RAB27A: variants seen among roughly 807,000 people sequenced by gnomAD.
The protein encoded by RAB27A is ras-related protein Rab-27A.
Under a neutral mutation model 20.8 loss-of-function variants are expected in RAB27A, and 17 were observed. The ratio of observed to expected loss-of-function variants is 0.82; its 90% confidence interval spans 0.56 to 1.23. RAB27A has a LOEUF of 1.23. Ranked by LOEUF, RAB27A falls within the 50% of genes most tolerant of loss-of-function variation. RAB27A has a pLI of 0.00. For synonymous variants in RAB27A, 85 were observed against 92.8 expected, an observed-to-expected ratio of 0.92 and a Z score of 0.48; for missense variants, 277 against 266.7, an observed-to-expected ratio of 1.04 and a Z score of -0.27.
intron 1 of RAB27A, among the ~76,000 whole-genome samples, chr15:55,271,803 G>T (rs1248546071): frequency 6.6e-6 from 1 of 152,128 alleles, no homozygotes; most frequent in Non-Finnish European, 1.5e-5. Flanking sequence ...CATTATGGCA[G>T]CTCAACGTGT....
chr15:55,234,704 T>A (rs1186694170), intron 3 of RAB27A, 78 bp downstream of exon 3: 1 of 1,459,798 alleles, frequency 6.9e-7, no homozygotes, highest in Non-Finnish European at 9.6e-7. Context: ...TCCTCCTAAT[T>A]CCTACAAAGT....
intron 1 of RAB27A, among the ~76,000 whole-genome samples, chr15:55,274,715 T>A (rs1356093906): frequency 6.8e-6 from 1 of 147,656 alleles, no homozygotes; most frequent in African/African-American, 2.5e-5. Flanking sequence ...GAAGCAGAAG[T>A]TGCAGTGAGC....
At chr15:55,285,610 G>A (rs1358173492) in intron 1 of RAB27A, among the ~76,000 whole-genome samples, 11 of 152,164 alleles carry the variant, frequency 7.2e-5, no homozygotes. Flanking sequence ...AGAGGCAGAA[G>A]AACAAATACA....
intron 1 of RAB27A, among the ~76,000 whole-genome samples, chr15:55,284,085 G>GA (rs1278624273): frequency 6.6e-6 from 1 of 152,148 alleles, no homozygotes; most frequent in Admixed American, 6.5e-5. Flanking sequence ...ATGAAACTAT[G>GA]AAAAAACAAG....
At chr15:55,255,675 G>C (rs1897052125) in intron 2 of RAB27A, among the ~76,000 whole-genome samples, 2 of 152,090 alleles carry the variant, frequency 1.3e-5, no homozygotes, top group Admixed American at 6.6e-5. Context: ...ACAGTATTTG[G>C]TAAGCAATTA....
rs182348034 is a variant in RAB27A at position 55,271,112 on chromosome 15, A to G, written c.-142-828T>C. On this transcript the variant is annotated intron_variant, in intron 1 of 6. Transcript: ENST00000336787. ...TGGTCCCCACGTATTCTTGACTCTG[A>G]TCCATCCTCCACACCACACCCAAAG... Among the ~76,000 whole-genome samples the G allele has an allele frequency of 1.1e-3, 171 of 152,246 alleles. 1 individual carries two copies. Among genetic ancestry groups the G allele is most frequent in the Non-Finnish European group, 2.1e-3 (142 of 68,018 alleles).
chr15:55,234,511 G>A (rs1358318131), intron 3 of RAB27A, among the ~76,000 whole-genome samples: 2 of 152,156 alleles, frequency 1.3e-5, no homozygotes, highest in East Asian at 1.9e-4. Flanking sequence ...AATAACTTTC[G>A]GAGTTCAGAG....
intron 6 of RAB27A, among the ~76,000 whole-genome samples, chr15:55,215,910 C>A (rs1166702840): frequency 2.9e-5 from 4 of 136,664 alleles, no homozygotes; most frequent in Non-Finnish European, 6.0e-5. Context: ...CGTGCTACGG[C>A]ACTCAAGGCT....
intron 2 of RAB27A, among the ~76,000 whole-genome samples, chr15:55,297,006 A>G (rs2054952172): frequency 6.6e-6 from 1 of 152,220 alleles, no homozygotes; most frequent in African/African-American, 2.4e-5. Flanking sequence ...GGGAGTAAGC[A>G]AAAAGGATTA....
intron 2 of RAB27A, among the ~76,000 whole-genome samples, chr15:55,311,680 C>A (rs552908505): frequency 6.6e-6 from 1 of 152,184 alleles, no homozygotes; most frequent in Non-Finnish European, 1.5e-5. Context: ...ATAATTTATA[C>A]TTCCCTCAGG....
At chr15:55,248,773 T>C (rs1896782041) in intron 2 of RAB27A, among the ~76,000 whole-genome samples, 1 of 152,200 alleles carries the variant, frequency 6.6e-6, no homozygotes, top group Non-Finnish European at 1.5e-5. Flanking sequence ...AAATCAATGA[T>C]GCCAGGATTC....
intron 3 of RAB27A, among the ~76,000 whole-genome samples, chr15:55,231,061 G>A (rs904260134): frequency 6.6e-6 from 1 of 152,132 alleles, no homozygotes; most frequent in African/African-American, 2.4e-5. Flanking sequence ...AAGTGAGAAT[G>A]CATGTGGCAT....
intron 6 of RAB27A, among the ~76,000 whole-genome samples, chr15:55,222,930 C>A (rs191332567): frequency 3.1e-3 from 470 of 152,248 alleles, no homozygotes; most frequent in African/African-American, 0.011. Flanking sequence ...TTAGAGGCAC[C>A]CTTAACACTT....
chr15:55,220,905 T>C (rs1895539006), intron 6 of RAB27A, among the ~76,000 whole-genome samples: 1 of 152,242 alleles, frequency 6.6e-6, no homozygotes, highest in Non-Finnish European at 1.5e-5. Context: ...TTCTGTATCC[T>C]AAGGGACTCT....
intron 3 of RAB27A, among the ~76,000 whole-genome samples, chr15:55,232,037 G>A (rs910338858): frequency 2.0e-5 from 3 of 152,128 alleles, no homozygotes; most frequent in African/African-American, 4.8e-5. Flanking sequence ...ATCTAAAAAG[G>A]TCCTAATCTC....
chr15:55,291,451 C>G (rs1034928374), upstream of RAB27A, among the ~76,000 whole-genome samples: 1 of 125,280 alleles, frequency 8.0e-6, no homozygotes, highest in African/African-American at 3.1e-5. Flanking sequence ...GTGGAGGTTG[C>G]AATGAGCCGA....
chr15:55,227,891 C>G lies in RAB27A; in HGVS notation c.343+718G>C, dbSNP rs144554332. Among the ~76,000 whole-genome samples the G allele has an allele frequency of 4.6e-5, 7 of 152,296 alleles. No homozygotes were observed. In the East Asian group the frequency reaches 9.6e-4, roughly 21 times the overall value. On this transcript the variant is annotated intron_variant, in intron 5 of 6. Coordinates refer to ENST00000336787, the MANE Select transcript of RAB27A (RefSeq NM_183235.3). ...AGATGTTAAGAATTTAATATTACAG[C>G]CTTCCCTAATAGATTCTCTAGGGTT...
intron 2 of RAB27A, among the ~76,000 whole-genome samples, chr15:55,268,790 C>T (rs555733002): frequency 1.3e-5 from 2 of 152,166 alleles, no homozygotes; most frequent in Admixed American, 6.5e-5. Context: ...GCTTTTCAGA[C>T]ATGTCGGTTA....
intron 6 of RAB27A, among the ~76,000 whole-genome samples, chr15:55,214,072 T>C (rs1289770054): frequency 6.6e-6 from 1 of 152,186 alleles, no homozygotes; most frequent in African/African-American, 2.4e-5. Flanking sequence ...TATTATTTGA[T>C]AACTTCCTCC....
Sources: allele counts gnomAD v4.1 joint callset (sites outside exome capture counted in the v4.1 genomes callset), GRCh38; gene constraint gnomAD v4.1.1; transcripts MANE v1.5; gene names NCBI Gene and HGNC (gene_info 2026-07-23, HGNC 2026-07-21).